HEATR4: variants seen among roughly 807,000 people sequenced by gnomAD.
HEATR4 encodes HEAT repeat-containing protein 4.
In HEATR4, 95 loss-of-function variants were observed where a neutral mutation model predicts 108.8. The ratio of observed to expected loss-of-function variants is 0.87; its 90% CI spans 0.74 to 1.04. HEATR4 has a LOEUF of 1.04. Among genes scored for constraint, HEATR4 ranks in the 50% least tolerant of loss-of-function variants. HEATR4 has a pLI of 0.00. For missense variants in HEATR4, 1,152 were observed against 1,253.8 expected, an observed-to-expected ratio of 0.92 and a Z score of 1.23; for synonymous variants, 443 against 459.4, an observed-to-expected ratio of 0.96 and a Z score of 0.46.
chr14:73,510,763 A>G (rs73293449), intron 7 of HEATR4, among the ~76,000 whole-genome samples: 1,819 of 152,190 alleles, frequency 0.012, 31 homozygotes, highest in African/African-American at 0.038. Flanking sequence ...GGCTGTCTTG[A>G]GCATTCCACA....
the HEATR4 span, among the ~76,000 whole-genome samples, chr14:73,630,051 A>C: frequency 6.6e-6 from 1 of 152,130 alleles, no homozygotes; most frequent in Non-Finnish European, 1.5e-5. Context: ...AAAAACAAAA[A>C]AATTTAAAAA....
chr14:73,582,953 TA>T, the HEATR4 span: 1 of 152,076 alleles, frequency 6.6e-6, no homozygotes, highest in Admixed American at 6.6e-5. Context: ...TAAATTCTTT[TA>T]AACCAGATGA....
the HEATR4 span, chr14:73,611,476 T>C: frequency 6.6e-6 from 1 of 152,220 alleles, no homozygotes; most frequent in Non-Finnish European, 1.5e-5. Context: ...CCCATGCCTT[T>C]GTAGATAGTA....
upstream of HEATR4, among the ~76,000 whole-genome samples, chr14:73,560,738 GC>G (rs1889519891): frequency 6.6e-6 from 1 of 151,744 alleles, no homozygotes; most frequent in Non-Finnish European, 1.5e-5. Context: ...GATCATTTGA[GC>G]CCAGGAGTTT....
chr14:73,506,804 G>GTTTTTTTTTTTTTTTTTT lies in HEATR4; in HGVS notation c.1882-251_1882-234dup, dbSNP rs34660727. 9.1e-3 allele frequency among the ~76,000 whole-genome samples: 734 copies of GTTTTTTTTTTTTTTTTTT among 80,448 alleles called. 147 individuals carry two copies. The highest frequency in any genetic ancestry group is 0.085 in the East Asian group (148 of 1,734). 52.8% of individuals were successfully genotyped at this position (80,448 alleles called of 152,430 possible). On this transcript the variant is annotated intron_variant, in intron 9 of 17. Transcript: ENST00000553558. ...GGACCTTCCTTTCCTGACTTTAACT[G>GTTTTTTTTTTTTTTTTTT]TTTTTTTTTTTTTTTTTTTTTCTGA...
intron 17 of HEATR4, among the ~76,000 whole-genome samples, chr14:73,484,535 C>T (rs1362993296): frequency 6.6e-6 from 1 of 151,884 alleles, no homozygotes; most frequent in African/African-American, 2.4e-5. Flanking sequence ...CATGCCACCA[C>T]ACCCGGCTAA....
the HEATR4 span, chr14:73,594,995 G>A: frequency 9.4e-6 from 15 of 1,591,524 alleles, no homozygotes; most frequent in African/African-American, 2.7e-5. Flanking sequence ...ATGAGCCACC[G>A]CACCCAATCT....
At chr14:73,581,445 G>C in the HEATR4 span, 1 of 149,974 alleles carries the variant, frequency 6.7e-6, no homozygotes, top group Non-Finnish European at 1.5e-5. Context: ...GCCTCGTGAT[G>C]TGTGTGTGTG....
chr14:73,591,797 G>A, the HEATR4 span: 4 of 614,226 alleles, frequency 6.5e-6, no homozygotes, highest in South Asian at 1.7e-4. Flanking sequence ...CCGGAGCGCC[G>A]GGTTAACCGG....
the HEATR4 span, chr14:73,617,041 T>G: frequency 1.8e-6 from 2 of 1,091,648 alleles, no homozygotes; most frequent in Non-Finnish European, 2.8e-6. Flanking sequence ...AGCAGGGGCC[T>G]TTGTGAATAC....
chr14:73,511,255 G>A (rs552126569), intron 7 of HEATR4, among the ~76,000 whole-genome samples: 22 of 152,248 alleles, frequency 1.4e-4, no homozygotes, highest in Admixed American at 1.3e-3. Flanking sequence ...GCTCATGCCT[G>A]TAATCCCAGC....
At chr14:73,526,508 G>A (rs1047058745) in intron 2 of HEATR4, among the ~76,000 whole-genome samples, 1 of 151,636 alleles carries the variant, frequency 6.6e-6, no homozygotes, top group African/African-American at 2.4e-5. Flanking sequence ...TCCAGACAGG[G>A]CAGCTCAGGG....
chr14:73,615,150 G>A, the HEATR4 span, among the ~76,000 whole-genome samples: 12 of 151,142 alleles, frequency 7.9e-5, no homozygotes, highest in Non-Finnish European at 1.6e-4. Flanking sequence ...CACTTTGGGA[G>A]GCCAAGGTGG....
intron 2 of HEATR4, among the ~76,000 whole-genome samples, chr14:73,523,881 A>G (rs1026157232): frequency 6.6e-6 from 1 of 152,152 alleles, no homozygotes; most frequent in Non-Finnish European, 1.5e-5. Flanking sequence ...GATACCTCGC[A>G]TTGTTAAATA....
chr14:73,484,410 G>A (rs1362894464), intron 17 of HEATR4, among the ~76,000 whole-genome samples: 3 of 151,886 alleles, frequency 2.0e-5, no homozygotes, highest in Non-Finnish European at 4.4e-5. Flanking sequence ...AGGGAGTCTT[G>A]CCCTGTTGCC....
chr14:73,621,914 C>T, the HEATR4 span, among the ~76,000 whole-genome samples: 272 of 151,958 alleles, frequency 1.8e-3, 2 homozygotes, highest in African/African-American at 5.6e-3. Flanking sequence ...CAGGCATGCA[C>T]CACCAAACCT....
intron 7 of HEATR4, among the ~76,000 whole-genome samples, chr14:73,511,169 A>G (rs988757516): frequency 6.6e-6 from 1 of 152,130 alleles, no homozygotes; most frequent in Non-Finnish European, 1.5e-5. Context: ...TGAAGCTCAG[A>G]GAGGTTAGCT....
chr14:73,597,591 C>CTTTTTTTTTTTTTTTTTTTTTTTT, the HEATR4 span, among the ~76,000 whole-genome samples: 6 of 98,206 alleles, frequency 6.1e-5, no homozygotes, highest in Non-Finnish European at 1.2e-4. Flanking sequence ...TTTTTCTTTT[C>CTTTTTTTTTTTTTTTTTTTTTTTT]TTTTTTTTTT....
chr14:73,527,961 C>CA (rs34109465), intron 2 of HEATR4, among the ~76,000 whole-genome samples: 1,480 of 52,096 alleles, frequency 0.028, 41 homozygotes, highest in African/African-American at 0.066. Flanking sequence ...AACTCCATCT[C>CA]AAAAAAAAAA....
Sources: allele counts gnomAD v4.1 joint callset (sites outside exome capture counted in the v4.1 genomes callset), GRCh38; gene constraint gnomAD v4.1.1; transcripts MANE v1.5; gene names NCBI Gene and HGNC (gene_info 2026-07-23, HGNC 2026-07-21).